Variants in DIS3L observed in about 807,000 individuals in gnomAD.
The protein encoded by DIS3L is DIS3 like exosome 3'-5' exoribonuclease, also known as DIS3-like exonuclease 1.
DIS3L carries 100 observed loss-of-function variants against 120.3 expected under a neutral mutation model. The observed-to-expected ratio is 0.83, with a 90% CI of 0.71 to 0.98. DIS3L has a LOEUF of 0.98. Among genes scored for constraint, DIS3L ranks in the 50% least tolerant of loss-of-function variants. The pLI is 0.00. For missense variants in DIS3L, 1,196 were observed against 1,314.2 expected (o/e 0.91, Z 1.39); for synonymous variants, 426 against 470.6 (o/e 0.91, Z 1.23).
intron 1 of DIS3L, chr15:66,294,153 A>C: frequency 1.0e-6 from 1 of 985,602 alleles, no homozygotes; most frequent in South Asian, 4.7e-5. Context: ...CGAAGCTGAC[A>C]TCGCCTGCTT....
rs548126976 is a variant in DIS3L, at chr15:66,304,112, A to C, written c.294-2712A>C. 6.2e-3 allele frequency among the ~76,000 whole-genome samples: 685 copies of C among 111,378 alleles called. 3 individuals are homozygous for C. The highest frequency in any genetic ancestry group is 0.011 in the Non-Finnish European group (548 of 48,874). The allele number at this position is 111,378 out of a possible 152,430, so 73.1% of individuals were successfully genotyped here. A position where few individuals can be genotyped will look rare whatever the true frequency, so the allele number is the denominator to read the frequency against. ...TTCAAAAAAAAAAAAAAAAAAAAAA[A>C]CAATATGGCATAGACTCTTCTAAGA... On this transcript the variant is annotated intron_variant, in intron 2 of 16. Coordinates refer to ENST00000319212, the MANE Select transcript of DIS3L (RefSeq NM_001143688.3).
intron 5 of DIS3L, among the ~76,000 whole-genome samples, chr15:66,313,761 GTGTGTGTGTATATATATA>G (rs941345990): frequency 7.9e-6 from 1 of 126,650 alleles, no homozygotes; most frequent in Non-Finnish European, 1.9e-5. Flanking sequence ...GTATATGTGT[GTGTGTGTGTATATATATA>G]TGTGTGTGTG....
intron 6 of DIS3L, among the ~76,000 whole-genome samples, chr15:66,314,507 G>T (rs1025563532): frequency 6.6e-6 from 1 of 152,170 alleles, no homozygotes; most frequent in Non-Finnish European, 1.5e-5. Context: ...TAAATAAGTT[G>T]TATCATAATC....
At chr15:66,314,963 C>G in intron 6 of DIS3L, 73 bp from the exon 7 acceptor site, 1 of 1,491,894 alleles carries the variant, frequency 6.7e-7, no homozygotes, top group Non-Finnish European at 9.2e-7. Flanking sequence ...TCGAGTATAT[C>G]ATGCGCGGAA....
chr15:66,315,205 C>CA lies in DIS3L; in HGVS notation c.985dup (p.Met329AsnfsTer52). The CA allele has an allele frequency of 6.2e-7, 1 of 1,611,812 alleles. No homozygotes were observed. The highest frequency in any genetic ancestry group is 8.5e-7 in the Non-Finnish European group (1 of 1,178,480). ...CTTCGGGCGAGTCCCCAAGTGAGCC[C>CA]ATGCCTACAGGTGAGCCAGCTGCAG... On this transcript the variant is annotated frameshift_variant, in exon 7 of 17. Coordinates refer to ENST00000319212, the MANE Select transcript of DIS3L (RefSeq NM_001143688.3). LOFTEE classifies it high-confidence loss of function.
At chr15:66,312,176 C>A (rs897564659) in intron 5 of DIS3L, among the ~76,000 whole-genome samples, 1 of 150,700 alleles carries the variant, frequency 6.6e-6, no homozygotes, top group African/African-American at 2.4e-5. Flanking sequence ...CCACTGCACT[C>A]CAGCCTGGGT....
At chr15:66,318,639 A>G (rs1397647026) in intron 8 of DIS3L, 21 bp downstream of exon 8, 1 of 1,611,282 alleles carries the variant, frequency 6.2e-7, no homozygotes, top group Non-Finnish European at 8.5e-7. Flanking sequence ...TTCTACCTCT[A>G]CTATGGGATC....
chr15:66,306,685 A>G (rs888245802), intron 2 of DIS3L, 139 bp from the exon 3 acceptor site: 2 of 1,232,388 alleles, frequency 1.6e-6, no homozygotes, highest in Admixed American at 4.4e-5. Flanking sequence ...CACTGAGACC[A>G]ATATAAATAC....
intron 2 of DIS3L, among the ~76,000 whole-genome samples, chr15:66,297,827 C>G (rs1434027123): frequency 6.6e-6 from 1 of 152,094 alleles, no homozygotes; most frequent in Non-Finnish European, 1.5e-5. Flanking sequence ...TCCTGAATTC[C>G]TTCTGTATAG....
intron 4 of DIS3L, among the ~76,000 whole-genome samples, chr15:66,309,448 C>T (rs2092739161): frequency 1.3e-5 from 2 of 152,004 alleles, no homozygotes; most frequent in South Asian, 2.1e-4. Context: ...ATAAAATTGC[C>T]AATATTCTTA....
chr15:66,330,404 A>C (rs1039059327), intron 14 of DIS3L: 4 of 985,234 alleles, frequency 4.1e-6, no homozygotes, highest in South Asian at 4.7e-5. Flanking sequence ...GCTGCTTTCT[A>C]TTCTATTTCA....
At chr15:66,328,243 A>T (rs1343953566) in intron 12 of DIS3L, among the ~76,000 whole-genome samples, 1 of 152,256 alleles carries the variant, frequency 6.6e-6, no homozygotes, top group Non-Finnish European at 1.5e-5. Flanking sequence ...TTGCAAGCTC[A>T]CATAGTGACC....
chr15:66,322,102 C>G (rs2092890572), intron 9 of DIS3L, among the ~76,000 whole-genome samples: 1 of 152,030 alleles, frequency 6.6e-6, no homozygotes, highest in South Asian at 2.1e-4. Flanking sequence ...TTTGGCAGCT[C>G]TTAGTGAAAA....
At chr15:66,293,549 TGCCTCCGCCGCGCCCGCCACTCC>T in exon 1 of DIS3L, 4 of 1,371,334 alleles carry the variant, frequency 2.9e-6, no homozygotes, top group South Asian at 4.5e-5. Context: ...GCCGCGGCCT[TGCCTCCGCCGCGCCCGCCACTCC>T]GCGGCCGCCG....
In DIS3L at chr15:66,332,704, G is replaced by T. The variant is rs144955843; in HGVS notation, c.2682-32G>T. 316 of 1,563,526 alleles carry T rather than the reference G, an allele frequency of 2.0e-4. 5 individuals carry two copies. In the East Asian group the frequency reaches 7.0e-3, roughly 35 times the overall value. ...AAGATCTGTGTACTAAGAATACATT[G>T]TCTCTGGATTTATATTCTGGTCATA... On this transcript the variant is annotated intron_variant, in intron 15 of 16. Transcript: ENST00000319212.
intron 15 of DIS3L, 63 bp downstream of exon 15, chr15:66,332,083 G>A: frequency 2.8e-6 from 4 of 1,419,606 alleles, no homozygotes; most frequent in Non-Finnish European, 3.8e-6. Context: ...AACACAAACT[G>A]TACATTAGAT....
intron 2 of DIS3L, among the ~76,000 whole-genome samples, chr15:66,304,514 G>A (rs2092682727): frequency 6.6e-6 from 1 of 152,194 alleles, no homozygotes; most frequent in Non-Finnish European, 1.5e-5. Context: ...TACGCATCTT[G>A]AGAGGTGAGG....
intron 12 of DIS3L, among the ~76,000 whole-genome samples, chr15:66,328,639 T>C (rs1175228039): frequency 6.6e-6 from 1 of 152,248 alleles, no homozygotes; most frequent in Non-Finnish European, 1.5e-5. Context: ...TACCTATATA[T>C]AGAATGTTTA....
At chr15:66,303,425 G>C (rs1250456538) in intron 2 of DIS3L, among the ~76,000 whole-genome samples, 1 of 152,168 alleles carries the variant, frequency 6.6e-6, no homozygotes. Flanking sequence ...GGGATGTCTA[G>C]TTGGTATTCC....
Sources: gnomAD v4.1 joint callset for allele counts (sites outside exome capture counted in the v4.1 genomes callset) on GRCh38, gnomAD v4.1.1 for gene constraint, MANE v1.5 for transcripts, NCBI Gene and HGNC (gene_info 2026-07-23, HGNC 2026-07-21) for gene names.